Variants in TNFRSF11A observed in about 807,000 individuals in gnomAD.
TNFRSF11A encodes TNF receptor superfamily member 11a.
Under a neutral mutation model 55.7 loss-of-function variants are expected in TNFRSF11A, and 32 were observed. That is an observed-to-expected ratio of 0.57 (90% CI 0.43 to 0.77). The LOEUF is 0.77. TNFRSF11A is among the 30% of genes least tolerant of loss of function. The pLI, the probability that TNFRSF11A is intolerant of heterozygous loss-of-function variation, is 0.00. For synonymous variants in TNFRSF11A, 311 were observed against 331.0 expected, an observed-to-expected ratio of 0.94 and a Z score of 0.65; for missense variants, 753 against 809.8, an observed-to-expected ratio of 0.93 and a Z score of 0.85.
rs578093511 is a variant in TNFRSF11A, at chr18:62,391,222, C to G, written c.*6188C>G. ...AGTAGTCCATTGTATGGATGTACTGCGGTTTATTCACCAACATATGGGTTC... is the reference window on the plus strand; with the variant it reads ...AGTAGTCCATTGTATGGATGTACTGGGGTTTATTCACCAACATATGGGTTC... On this transcript the variant is annotated 3_prime_UTR_variant, in exon 10 of 10. Coordinates refer to ENST00000586569, the MANE Select transcript of TNFRSF11A (RefSeq NM_003839.4). 2 of 152,158 alleles carry G rather than the reference C, an allele frequency of 1.3e-5. No homozygotes were observed. Among genetic ancestry groups the G allele is most frequent in the African/African-American group, 4.8e-5 (2 of 41,424 alleles). 9.4% of individuals were successfully genotyped at this position (152,158 alleles called of 1,614,324 possible). A position where few individuals can be genotyped will look rare whatever the true frequency, so the allele number is the denominator to read the frequency against.
intron 1 of TNFRSF11A, among the ~76,000 whole-genome samples, chr18:62,340,394 GT>G (rs2046295411): frequency 6.6e-6 from 1 of 151,654 alleles, no homozygotes; most frequent in Non-Finnish European, 1.5e-5. Context: ...AATTTTTAAA[GT>G]TTTATAGAGA....
At chr18:62,341,836 C>CA (rs35964652) in intron 1 of TNFRSF11A, among the ~76,000 whole-genome samples, 1,014 of 85,236 alleles carry the variant, frequency 0.012, 17 homozygotes, top group Admixed American at 0.017. Context: ...CTGAGAATGG[C>CA]TTTTTTTTTT....
Position 62,369,068 on chromosome 18 carries a change from A to T in TNFRSF11A, c.1151A>T (p.Asp384Val). 6.2e-7 allele frequency: 1 copy of T among 1,614,168 alleles called. No homozygotes were observed. Among genetic ancestry groups the T allele is most frequent in the African/African-American group, 1.3e-5 (1 of 75,054 alleles). Residue 384 changes from aspartate to valine, a missense_variant, in exon 9 of 10, where the codon GAC (aspartate) becomes GTC (valine). Transcript: ENST00000586569. Reference sequence around the variant, plus strand: ...GAACCCCTGGAGGTGGGGGAGAATGACAGTTTAAGCCAGTGCTTCACGGGG... The same window carrying T: ...GAACCCCTGGAGGTGGGGGAGAATGTCAGTTTAAGCCAGTGCTTCACGGGG... ...FSEPLEVGEN[D>V]SLSQCFTGTQ... is the part of the protein sequence containing the mutation.
chr18:62,376,083 T>C (rs185315120), intron 9 of TNFRSF11A, among the ~76,000 whole-genome samples: 4 of 152,230 alleles, frequency 2.6e-5, no homozygotes, highest in Non-Finnish European at 4.4e-5. Flanking sequence ...CTACTCTGGC[T>C]GAGGGAGAGG....
intron 1 of TNFRSF11A, among the ~76,000 whole-genome samples, chr18:62,333,322 T>A (rs1206116026): frequency 1.3e-5 from 2 of 152,068 alleles, no homozygotes; most frequent in Non-Finnish European, 2.9e-5. Flanking sequence ...ACCTACCGAA[T>A]CAGAAACTCT....
At chr18:62,368,169 A>G (rs958022124) in intron 8 of TNFRSF11A, among the ~76,000 whole-genome samples, 11 of 152,152 alleles carry the variant, frequency 7.2e-5, no homozygotes, top group Admixed American at 5.2e-4. Flanking sequence ...TTCCAGGCCA[A>G]CTCAACATGA....
chr18:62,374,753 A>G (rs1910773716), intron 9 of TNFRSF11A, among the ~76,000 whole-genome samples: 2 of 152,206 alleles, frequency 1.3e-5, no homozygotes, highest in Non-Finnish European at 2.9e-5. Flanking sequence ...AGCATGGACA[A>G]AGTAGAAGCA....
At chr18:62,351,995 C>T (rs1484036138) in intron 3 of TNFRSF11A, among the ~76,000 whole-genome samples, 1 of 152,094 alleles carries the variant, frequency 6.6e-6, no homozygotes, top group African/African-American at 2.4e-5. Context: ...GGGCGTTTCA[C>T]CGTGTGTCCA....
At chr18:62,350,840 A>G (rs1262880877) in intron 3 of TNFRSF11A, among the ~76,000 whole-genome samples, 1 of 152,120 alleles carries the variant, frequency 6.6e-6, no homozygotes, top group African/African-American at 2.4e-5. Flanking sequence ...CTTAAGAAAC[A>G]GAGGTTCCTT....
intron 3 of TNFRSF11A, among the ~76,000 whole-genome samples, chr18:62,353,783 G>A (rs1256209482): frequency 6.6e-6 from 1 of 152,084 alleles, no homozygotes; most frequent in Non-Finnish European, 1.5e-5. Flanking sequence ...AACTGGAAGG[G>A]GCCAGGAGAT....
chr18:62,338,216 A>G (rs1166665894), intron 1 of TNFRSF11A, among the ~76,000 whole-genome samples: 1 of 152,220 alleles, frequency 6.6e-6, no homozygotes, highest in Non-Finnish European at 1.5e-5. Flanking sequence ...TGGAACCCTC[A>G]TGCAGTGCTG....
Position 62,325,436 on chromosome 18 carries a change from C to T in TNFRSF11A, c.75+9C>T. The T allele has an allele frequency of 2.4e-6, 3 of 1,256,540 alleles. No individual in the cohort carries two copies. The highest frequency in any genetic ancestry group is 1.8e-5 in the South Asian group (1 of 56,278). The allele number at this position is 1,256,540 out of a possible 1,614,324, so 77.8% of individuals were successfully genotyped here. ...TGCTCGCCCGGCTGCAGGTAAGGAG[C>T]GCCCGCGCCTGCCGGGCCGCGCGGC... On this transcript the variant is annotated intron_variant, in intron 1 of 9. Transcript: ENST00000586569. The surrounding 1 kb of genome is among the most constrained non-coding windows in gnomAD (Gnocchi z 4.7).
At chr18:62,365,741 A>AT (rs1289766814) in intron 7 of TNFRSF11A, among the ~76,000 whole-genome samples, 2 of 152,356 alleles carry the variant, frequency 1.3e-5, no homozygotes, top group African/African-American at 4.8e-5. Flanking sequence ...TTTGCTTTGC[A>AT]TAGAACAGGA....
intron 7 of TNFRSF11A, among the ~76,000 whole-genome samples, chr18:62,364,750 T>G (rs1909955748): frequency 6.6e-6 from 1 of 152,156 alleles, no homozygotes; most frequent in Non-Finnish European, 1.5e-5. Flanking sequence ...ATTTAATATG[T>G]GCTGACATGA....
intron 4 of TNFRSF11A, among the ~76,000 whole-genome samples, chr18:62,357,192 T>G (rs1290439019): frequency 1.3e-5 from 2 of 152,250 alleles, no homozygotes; most frequent in Admixed American, 1.3e-4. Context: ...TTTTAGTGTT[T>G]TATTCACGAA....
rs11289576 is a variant in TNFRSF11A at position 62,335,129 on chromosome 18, A to ATTTTTTTTTTTTTTT, written c.75+9704_75+9718dup. Reference sequence around the variant, plus strand: ...CTGTGACCAAGCCACTGGGGTCGGAATTTTTTTTTTTTTTTTGTTACCCAG... The same window carrying ATTTTTTTTTTTTTTT: ...CTGTGACCAAGCCACTGGGGTCGGAATTTTTTTTTTTTTTTTTTTTTTTTTTTTTTTGTTACCCAG... On this transcript the variant is annotated intron_variant, in intron 1 of 9. Coordinates refer to ENST00000586569, the MANE Select transcript of TNFRSF11A (RefSeq NM_003839.4). Among the ~76,000 whole-genome samples the ATTTTTTTTTTTTTTT allele has an allele frequency of 3.2e-3, 445 of 140,752 alleles. 9 individuals are homozygous for ATTTTTTTTTTTTTTT. Among genetic ancestry groups the ATTTTTTTTTTTTTTT allele is most frequent in the Non-Finnish European group, 4.4e-3 (287 of 64,622 alleles). 92.3% of individuals were successfully genotyped at this position (140,752 alleles called of 152,430 possible).
At chr18:62,350,334 C>A (rs577783003) in intron 3 of TNFRSF11A, among the ~76,000 whole-genome samples, 151 of 152,118 alleles carry the variant, frequency 9.9e-4, no homozygotes, top group Non-Finnish European at 1.5e-3. Flanking sequence ...GCTCTGTCGC[C>A]CAGGCTGGAG....
intron 9 of TNFRSF11A, among the ~76,000 whole-genome samples, chr18:62,380,689 GC>G (rs980618591): frequency 2.0e-5 from 3 of 152,026 alleles, no homozygotes; most frequent in Admixed American, 6.5e-5. Flanking sequence ...ACCCGCCTCG[GC>G]CTCCCAAAGT....
intron 9 of TNFRSF11A, among the ~76,000 whole-genome samples, chr18:62,380,582 G>A (rs1436231362): frequency 5.9e-5 from 9 of 151,336 alleles, no homozygotes; most frequent in East Asian, 5.9e-4. Flanking sequence ...GACTACAGGC[G>A]CCTGCCACCA....
Sources: gnomAD v4.1 joint callset for allele counts (sites outside exome capture counted in the v4.1 genomes callset) on GRCh38, gnomAD v4.1.1 for gene constraint, Gnocchi (gnomAD v3.1) non-coding constraint, MANE v1.5 for transcripts, NCBI Gene and HGNC (gene_info 2026-07-23, HGNC 2026-07-21) for gene names.